The following TXNRD2 variants were observed in gnomAD, a reference collection of about 807,000 sequenced individuals.
TXNRD2 encodes thioredoxin reductase 2, mitochondrial.
A neutral mutation model predicts 70.8 loss-of-function variants in TXNRD2; 67 were observed. That is an observed-to-expected ratio of 0.95 (90% CI 0.78 to 1.16). The LOEUF (loss-of-function observed/expected upper bound fraction) is 1.16, where lower values mean the gene tolerates loss of function less well. TXNRD2 is among the 50% of genes most tolerant of loss of function. The pLI is 0.00. For synonymous variants in TXNRD2, 301 were observed against 295.8 expected (o/e 1.02, Z -0.18); for missense variants, 644 against 719.9 (o/e 0.89, Z 1.21).
At chr22:19,923,987 A>G (rs1224524548) in intron 2 of TXNRD2, among the ~76,000 whole-genome samples, 1 of 151,792 alleles carries the variant, frequency 6.6e-6, no homozygotes, top group Non-Finnish European at 1.5e-5. Context: ...TTAATTTAAA[A>G]AAAGGCTTTT....
At chr22:19,915,685 A>G (rs1365076829) in intron 6 of TXNRD2, 80 bp downstream of exon 6, 1 of 1,331,932 alleles carries the variant, frequency 7.5e-7, no homozygotes. Flanking sequence ...AACAGCACCC[A>G]GGCCAAACAC....
intron 1 of TXNRD2, among the ~76,000 whole-genome samples, chr22:19,934,289 GA>G (rs1941464932): frequency 6.6e-6 from 1 of 151,514 alleles, no homozygotes; most frequent in Non-Finnish European, 1.5e-5. Flanking sequence ...GCTGAGGCTG[GA>G]GGGTGAGTTG....
At position 19,877,114 on chromosome 22, in the gene TXNRD2, G is replaced by A. The variant is rs1304056758; in HGVS notation, c.1566C>T (p.Cys522=). The change falls in exon 17 of 18, where the codon TGC becomes TGT. Residue 522 remains cysteine, a synonymous_variant. Transcript: ENST00000400521. ...CCTGCAGGGATGGCGCTTACCCTCA[G>A]CAGCCTGTCACCGTGGGGTCCAGGC... The part of the protein sequence containing the change: ...RSGLDPTVTG[C]UG 2 of 1,598,644 alleles carry A rather than the reference G, an allele frequency of 1.3e-6. No individual in the cohort carries two copies. The highest frequency in any genetic ancestry group is 1.7e-5 in the Admixed American group (1 of 59,724).
chr22:19,916,553 G>T (rs1218779374), intron 5 of TXNRD2, among the ~76,000 whole-genome samples: 1 of 152,012 alleles, frequency 6.6e-6, no homozygotes, highest in Non-Finnish European at 1.5e-5. Flanking sequence ...TGTTGGCCAG[G>T]CTGGTCTTGA....
At chr22:19,930,274 T>C (rs1941309161) in intron 2 of TXNRD2, among the ~76,000 whole-genome samples, 1 of 152,112 alleles carries the variant, frequency 6.6e-6, no homozygotes, top group African/African-American at 2.4e-5. Context: ...AAGTGCCCAG[T>C]TAACTCCCTC....
At chr22:19,885,129 C>G (rs557714833) in intron 11 of TXNRD2, among the ~76,000 whole-genome samples, 2 of 152,318 alleles carry the variant, frequency 1.3e-5, no homozygotes, top group African/African-American at 4.8e-5. Context: ...AGCCGAACAG[C>G]CAGCAGAGGT....
At chr22:19,917,996 C>A in intron 5 of TXNRD2, 147 bp downstream of exon 5, 1 of 715,272 alleles carries the variant, frequency 1.4e-6, no homozygotes, top group African/African-American at 1.7e-5. Context: ...CCATCTGCTC[C>A]TTGTCCTCAT....
Position 19,915,857 on chromosome 22 carries a change from A to G in TXNRD2, c.450-14T>C, listed in dbSNP as rs1169090281. On this transcript the variant is annotated splice_polypyrimidine_tract_variant and intron_variant, in intron 5 of 17. Coordinates refer to ENST00000400521, the MANE Select transcript of TXNRD2 (RefSeq NM_006440.5). ...TACTTGACTTTTCTGAAAGATAAAG[A>G]TAAGATTTTCAAACACTTCCTCTGC... 1 of 1,611,576 alleles carries G rather than the reference A, an allele frequency of 6.2e-7. No individual in the cohort carries two copies. Among genetic ancestry groups the G allele is most frequent in the Non-Finnish European group, 8.5e-7 (1 of 1,178,478 alleles).
chr22:19,915,033 G>C, intron 7 of TXNRD2, 181 bp downstream of exon 7: 1 of 649,432 alleles, frequency 1.5e-6, no homozygotes, highest in Non-Finnish European at 2.8e-6. Flanking sequence ...GGCCACTGGG[G>C]ACCCCACATT....
chr22:19,880,383 G>T, intron 13 of TXNRD2, 112 bp from the exon 14 acceptor site: 2 of 1,196,076 alleles, frequency 1.7e-6, no homozygotes, highest in Non-Finnish European at 1.2e-6. Context: ...TGCGCCCAGA[G>T]CAGGCTGCAA....
chr22:19,941,705 T>G lies in TXNRD2; in HGVS notation c.99A>C (p.Ala33=). 6.7e-7 allele frequency: 1 copy of G among 1,483,448 alleles called. No individual in the cohort carries two copies. The highest frequency in any genetic ancestry group is 8.9e-7 in the Non-Finnish European group (1 of 1,124,130). The allele number at this position is 1,483,448 out of a possible 1,614,324, so 91.9% of individuals were successfully genotyped here. The stretch of plus-strand genomic sequence containing the variant: ...GACGCCCCGACCCCATCCTACCTGC[T>G]GCGCCCCGCGCCGCGCCCCGCACCC... ...AGGVRGAARG[A]AAGQRDYDLL... The change falls in exon 1 of 18, where the codon GCA becomes GCC. Residue 33 remains alanine (A), a synonymous_variant. Coordinates refer to ENST00000400521, the MANE Select transcript of TXNRD2 (RefSeq NM_006440.5).
intron 11 of TXNRD2, chr22:19,888,061 C>T (rs1939107838): frequency 6.6e-6 from 1 of 152,310 alleles, no homozygotes; most frequent in Non-Finnish European, 1.5e-5. Context: ...TGCTCACTTC[C>T]TATGTATATG....
intron 11 of TXNRD2, among the ~76,000 whole-genome samples, chr22:19,892,931 A>G (rs1939331518): frequency 6.6e-6 from 1 of 152,224 alleles, no homozygotes; most frequent in African/African-American, 2.4e-5. Context: ...TACTTTTACA[A>G]CGTGGCTGAG....
chr22:19,924,275 T>C (rs1941034140), intron 2 of TXNRD2, among the ~76,000 whole-genome samples: 1 of 151,968 alleles, frequency 6.6e-6, no homozygotes, highest in Non-Finnish European at 1.5e-5. Context: ...TTAACCTTGA[T>C]CCAAGCGAGG....
At position 19,883,606 on chromosome 22, in the gene TXNRD2, G is replaced by C. The variant is rs374463200; in HGVS notation, c.950-145C>G. On this transcript the variant is annotated intron_variant, in intron 11 of 17. Transcript: ENST00000400521. ...TAATCCCAGCACTGTAGGAGGACGA[G>C]GTGGGCAAATCACCTGAGGTCATGA... The C allele has an allele frequency of 4.4e-5, 52 of 1,189,578 alleles. No homozygotes were observed. In the African/African-American group the frequency reaches 6.7e-4, roughly 15 times the overall value. The allele number at this position is 1,189,578 out of a possible 1,614,324, so 73.7% of individuals were successfully genotyped here.
chr22:19,931,493 T>C (rs1215705636), intron 1 of TXNRD2, among the ~76,000 whole-genome samples: 1 of 151,888 alleles, frequency 6.6e-6, no homozygotes, highest in African/African-American at 2.4e-5. Flanking sequence ...GGATGAAAGG[T>C]GAGAAGGAAC....
At chr22:19,925,030 A>C (rs574464951) in intron 2 of TXNRD2, among the ~76,000 whole-genome samples, 1 of 151,394 alleles carries the variant, frequency 6.6e-6, no homozygotes, top group Admixed American at 6.6e-5. Context: ...CACGCCTGTA[A>C]TCCCAGCACT....
At chr22:19,910,850 G>A (rs9617849) in intron 8 of TXNRD2, 5,013 of 218,888 alleles carry the variant, frequency 0.023, 277 homozygotes, top group African/African-American at 0.11. Flanking sequence ...CGAGGTGGGC[G>A]GATCACCTGA....
At chr22:19,926,719 T>A (rs1368533360) in intron 2 of TXNRD2, among the ~76,000 whole-genome samples, 2 of 152,102 alleles carry the variant, frequency 1.3e-5, no homozygotes, top group Non-Finnish European at 2.9e-5. Context: ...AGGCCGAGGT[T>A]GCAGTGAGCC....
Sources: gnomAD v4.1 joint callset for allele counts (sites outside exome capture counted in the v4.1 genomes callset) on GRCh38, gnomAD v4.1.1 for gene constraint, MANE v1.5 for transcripts, NCBI Gene and HGNC (gene_info 2026-07-23, HGNC 2026-07-21) for gene names.